Variants in ARHGAP24 observed in about 807,000 individuals in gnomAD.
The protein encoded by ARHGAP24 is Rho GTPase activating protein 24.
In ARHGAP24, 50 loss-of-function variants were observed where a neutral mutation model predicts 76.4. The ratio of observed to expected loss-of-function variants is 0.65; its 90% confidence interval spans 0.52 to 0.83. The LOEUF is 0.83. Among genes scored for constraint, ARHGAP24 ranks in the 40% least tolerant of loss-of-function variants. ARHGAP24 has a pLI of 0.00. For synonymous variants in ARHGAP24, 345 were observed against 323.3 expected, an observed-to-expected ratio of 1.07 and a Z score of -0.72; for missense variants, 930 against 914.2, an observed-to-expected ratio of 1.02 and a Z score of -0.22.
In ARHGAP24 at chr4:85,544,600, G is replaced by A. The variant is rs139718579; in HGVS notation, c.-20-25922G>A. Among the ~76,000 whole-genome samples the A allele has an allele frequency of 1.1e-3, 171 of 152,066 alleles. 3 individuals are homozygous for A. The highest frequency in any genetic ancestry group is 9.7e-4 in the Non-Finnish European group (66 of 67,994). Reference sequence around the variant, plus strand: ...GCCTCTTGGATCCTATATATAGCAGGGCCATCAGCTCTAATTTTAAGGGTT... The same window carrying A: ...GCCTCTTGGATCCTATATATAGCAGAGCCATCAGCTCTAATTTTAAGGGTT... On this transcript the variant is annotated intron_variant, in intron 1 of 9. Coordinates refer to ENST00000395184, the MANE Select transcript of ARHGAP24 (RefSeq NM_001025616.3).
chr4:85,690,199 C>T (rs778539249), intron 2 of ARHGAP24, among the ~76,000 whole-genome samples: 3 of 151,686 alleles, frequency 2.0e-5, no homozygotes, highest in Non-Finnish European at 4.4e-5. Context: ...CGGATTTTTG[C>T]ATTGATATTC....
At chr4:85,828,331 G>C (rs956163096) in intron 3 of ARHGAP24, among the ~76,000 whole-genome samples, 14 of 152,092 alleles carry the variant, frequency 9.2e-5, no homozygotes, top group African/African-American at 3.4e-4. Flanking sequence ...AATCTAAATT[G>C]CTATATTTGT....
chr4:85,977,963 G>T (rs1007168854), intron 8 of ARHGAP24, among the ~76,000 whole-genome samples: 1 of 151,898 alleles, frequency 6.6e-6, no homozygotes, highest in Non-Finnish European at 1.5e-5. Context: ...AAGTATTCAA[G>T]AACTGAAAAA....
intron 5 of ARHGAP24, among the ~76,000 whole-genome samples, chr4:85,958,774 A>C (rs891575728): frequency 2.0e-5 from 3 of 152,222 alleles, no homozygotes; most frequent in African/African-American, 7.2e-5. Context: ...CAATTTGAGA[A>C]CATTTTTATC....
intron 2 of ARHGAP24, among the ~76,000 whole-genome samples, chr4:85,610,596 A>G (rs567424130): frequency 7.2e-5 from 11 of 152,108 alleles, no homozygotes; most frequent in African/African-American, 2.2e-4. Flanking sequence ...AGTTGAAACT[A>G]TATCAGAAAT....
At chr4:85,630,533 C>A (rs570282890) in intron 2 of ARHGAP24, among the ~76,000 whole-genome samples, 2 of 152,184 alleles carry the variant, frequency 1.3e-5, no homozygotes, top group African/African-American at 4.8e-5. Context: ...TCCAGAGATA[C>A]TGAGCAGGCC....
chr4:85,995,088 G>A lies in ARHGAP24; in HGVS notation c.1434G>A (p.Gln478=). The change falls in exon 9 of 10, where the codon CAG becomes CAA. Residue 478 remains glutamine (Q), a synonymous_variant. Coordinates refer to ENST00000395184, the MANE Select transcript of ARHGAP24 (RefSeq NM_001025616.3). ...CCAAAATGGGCACGCACAGTGTACA[G>A]AATGGAACGGTGCGCATGGGCATTT... ...SGTKMGTHSV[Q]NGTVRMGILN... 1 of 1,614,044 alleles carries A rather than the reference G, an allele frequency of 6.2e-7. No homozygotes were observed.
At chr4:85,595,197 C>G (rs1284831368) in intron 2 of ARHGAP24, among the ~76,000 whole-genome samples, 2 of 152,078 alleles carry the variant, frequency 1.3e-5, no homozygotes, top group African/African-American at 4.8e-5. Context: ...AGAGAACAAC[C>G]TCTTTCTCAG....
At chr4:85,867,906 T>TGTATGTAC (rs1732290840) in intron 3 of ARHGAP24, among the ~76,000 whole-genome samples, 1 of 142,990 alleles carries the variant, frequency 7.0e-6, no homozygotes, top group Non-Finnish European at 1.5e-5. Context: ...TACATATATA[T>TGTATGTAC]ATACATATAT....
At chr4:85,614,741 A>G (rs17010548) in intron 2 of ARHGAP24, among the ~76,000 whole-genome samples, 3,728 of 152,188 alleles carry the variant, frequency 0.024, 168 homozygotes, top group African/African-American at 0.085. Context: ...GCCCAGGGTG[A>G]ATTTTCAATG....
chr4:85,763,586 G>A (rs987513431), intron 3 of ARHGAP24, among the ~76,000 whole-genome samples: 1 of 152,124 alleles, frequency 6.6e-6, no homozygotes, highest in African/African-American at 2.4e-5. Flanking sequence ...GCAAAGGGGG[G>A]TGTCTGGAAT....
chr4:85,861,180 CT>C (rs774122819), intron 3 of ARHGAP24, among the ~76,000 whole-genome samples: 107 of 152,196 alleles, frequency 7.0e-4, no homozygotes, highest in Non-Finnish European at 1.1e-3. Context: ...CATGAAACGA[CT>C]ACTAACCTGC....
intron 9 of ARHGAP24, chr4:86,000,080 CTTTT>C (rs35831725): frequency 7.3e-4 from 105 of 143,478 alleles, no homozygotes; most frequent in African/African-American, 2.7e-3. Flanking sequence ...TTATTGCCCT[CTTTT>C]TTTTTTTTTT....
intron 3 of ARHGAP24, among the ~76,000 whole-genome samples, chr4:85,824,940 A>G (rs1302949241): frequency 2.0e-5 from 3 of 152,116 alleles, no homozygotes; most frequent in Non-Finnish European, 1.5e-5. Flanking sequence ...AAATATAAAA[A>G]TTAGCCAGGT....
intron 2 of ARHGAP24, among the ~76,000 whole-genome samples, chr4:85,683,637 A>G (rs934425982): frequency 6.8e-6 from 1 of 147,000 alleles, no homozygotes; most frequent in Non-Finnish European, 1.5e-5. Flanking sequence ...GACACATAAC[A>G]TGAGATCTAC....
At chr4:85,666,597 T>G (rs1722629137) in intron 2 of ARHGAP24, among the ~76,000 whole-genome samples, 1 of 152,230 alleles carries the variant, frequency 6.6e-6, no homozygotes, top group Non-Finnish European at 1.5e-5. Flanking sequence ...CCAGTTTTTC[T>G]GCTCAGTTTT....
chr4:85,584,730 G>A (rs1484174315), intron 2 of ARHGAP24, among the ~76,000 whole-genome samples: 1 of 152,056 alleles, frequency 6.6e-6, no homozygotes, highest in African/African-American at 2.4e-5. Context: ...CCAAACTAGT[G>A]CCAAAAGGTG....
intron 3 of ARHGAP24, among the ~76,000 whole-genome samples, chr4:85,747,799 T>A (rs4455406): frequency 0.16 from 24,473 of 152,238 alleles, 2,433 homozygotes; most frequent in East Asian, 0.36. Flanking sequence ...TGTAATTTTT[T>A]AAAATATATT....
Position 86,001,128 on chromosome 4 carries a change from T to C in ARHGAP24, c.*406T>C, listed in dbSNP as rs1740995149. ...TGTTATCATCGGCTTATTTTATAGA[T>C]CAATATTTTTATTTCCCTTTTTTGC... is the stretch of plus-strand genomic sequence containing the variant. On this transcript the variant is annotated 3_prime_UTR_variant, in exon 10 of 10. Transcript: ENST00000395184. The C allele has an allele frequency of 8.0e-6, 3 of 376,778 alleles. No homozygotes were observed. Among genetic ancestry groups the C allele is most frequent in the Admixed American group, 9.0e-5 (2 of 22,216 alleles). 23.3% of individuals were successfully genotyped at this position (376,778 alleles called of 1,614,324 possible). A position where few individuals can be genotyped will look rare whatever the true frequency, so the allele number is the denominator to read the frequency against.
Sources: allele counts gnomAD v4.1 joint callset (sites outside exome capture counted in the v4.1 genomes callset), GRCh38; gene constraint gnomAD v4.1.1; transcripts MANE v1.5; gene names NCBI Gene and HGNC (gene_info 2026-07-23, HGNC 2026-07-21).